FLYWCH2: variants seen among roughly 807,000 people sequenced by gnomAD.
The protein encoded by FLYWCH2 is FLYWCH family member 2.
Under a neutral mutation model 6.0 loss-of-function variants are expected in FLYWCH2, and 2 were observed. The observed-to-expected ratio is 0.33, with a 90% CI of 0.14 to 1.04. FLYWCH2 has a LOEUF of 1.04. Ranked by LOEUF, FLYWCH2 falls within the 50% of genes least tolerant of loss-of-function variation. FLYWCH2 has a pLI of 0.45. For missense variants in FLYWCH2, 192 were observed against 183.4 expected (o/e 1.05, Z -0.27); for synonymous variants, 87 against 79.3 (o/e 1.10, Z -0.52).
intron 1 of FLYWCH2, among the ~76,000 whole-genome samples, chr16:2,884,055 C>T (rs2069669890): frequency 6.6e-6 from 1 of 152,178 alleles, no homozygotes; most frequent in Non-Finnish European, 1.5e-5. Context: ...AGTGTCCCGT[C>T]ATCCTGTCGG....
At chr16:2,884,816 G>C (rs1481664977) in intron 1 of FLYWCH2, among the ~76,000 whole-genome samples, 1 of 151,694 alleles carries the variant, frequency 6.6e-6, no homozygotes, top group Admixed American at 6.6e-5. Flanking sequence ...AGAGGTTGCA[G>C]TGACCCAAGG....
chr16:2,890,066 C>G (rs1311723016), intron 1 of FLYWCH2, among the ~76,000 whole-genome samples: 2 of 148,726 alleles, frequency 1.3e-5, no homozygotes, highest in African/African-American at 5.0e-5. Flanking sequence ...AAGCAATATA[C>G]CAAGACCCTG....
intron 1 of FLYWCH2, among the ~76,000 whole-genome samples, chr16:2,888,640 A>G (rs1421236707): frequency 6.6e-6 from 1 of 152,016 alleles, no homozygotes; most frequent in Admixed American, 6.6e-5. Flanking sequence ...CAATGTCATG[A>G]TCTTCTTGGG....
At chr16:2,891,041 T>C (rs567887688) in intron 1 of FLYWCH2, among the ~76,000 whole-genome samples, 1 of 152,346 alleles carries the variant, frequency 6.6e-6, no homozygotes, top group African/African-American at 2.4e-5. Flanking sequence ...CTTGGACTCA[T>C]GGATATTTAT....
At chr16:2,885,717 C>A (rs2069691289) in intron 1 of FLYWCH2, among the ~76,000 whole-genome samples, 1 of 152,172 alleles carries the variant, frequency 6.6e-6, no homozygotes, top group South Asian at 2.1e-4. Context: ...TTCATTCATC[C>A]ATTGATGGAT....
intron 1 of FLYWCH2, among the ~76,000 whole-genome samples, chr16:2,893,017 T>C (rs577503747): frequency 2.0e-4 from 21 of 106,846 alleles, no homozygotes; most frequent in African/African-American, 6.7e-4. Flanking sequence ...TATTTATATA[T>C]ATACACACAC....
chr16:2,886,806 C>A (rs141088001), intron 1 of FLYWCH2, among the ~76,000 whole-genome samples: 1 of 152,102 alleles, frequency 6.6e-6, no homozygotes, highest in Non-Finnish European at 1.5e-5. Context: ...CAGGTGTGAG[C>A]CACCATGCCC....
At chr16:2,890,420 T>G (rs2069743800) in intron 1 of FLYWCH2, among the ~76,000 whole-genome samples, 1 of 151,390 alleles carries the variant, frequency 6.6e-6, no homozygotes, top group Non-Finnish European at 1.5e-5. Flanking sequence ...TGACTAATTT[T>G]TTTTTTTTTT....
At chr16:2,895,145 G>T (rs1351740995) in intron 1 of FLYWCH2, 75 bp from the exon 2 acceptor site, 1 of 152,174 alleles carries the variant, frequency 6.6e-6, no homozygotes, top group Non-Finnish European at 1.5e-5. Flanking sequence ...CAGTCCTGAG[G>T]TGCTGCAGCA....
At chr16:2,884,029 G>T (rs2069669594) in intron 1 of FLYWCH2, among the ~76,000 whole-genome samples, 1 of 152,122 alleles carries the variant, frequency 6.6e-6, no homozygotes, top group African/African-American at 2.4e-5. Flanking sequence ...CTGTGAGGAC[G>T]TGTACTGCAC....
chr16:2,892,941 A>G (rs1422746624), intron 1 of FLYWCH2, among the ~76,000 whole-genome samples: 1 of 142,928 alleles, frequency 7.0e-6, no homozygotes, highest in Non-Finnish European at 1.5e-5. Context: ...TATACCATAT[A>G]TGTTGTATAT....
Position 2,883,662 on chromosome 16 carries a change from C to T in FLYWCH2, c.-200+296C>T, listed in dbSNP as rs369780899. Among the ~76,000 whole-genome samples, 980 of 152,362 alleles carry T rather than the reference C, an allele frequency of 6.4e-3. 8 individuals carry two copies. The highest frequency in any genetic ancestry group is 0.023 in the African/African-American group (947 of 41,590). ...CGCCCAGCGCTGCCTTCCCGGCACC[C>T]CCCAACCCCCGCCGGCCTCGTCCCA... On this transcript the variant is annotated intron_variant, in intron 1 of 3. Coordinates refer to ENST00000396958, the MANE Select transcript of FLYWCH2 (RefSeq NM_138439.3).
At chr16:2,891,368 G>C (rs1414022592) in intron 1 of FLYWCH2, among the ~76,000 whole-genome samples, 1 of 152,176 alleles carries the variant, frequency 6.6e-6, no homozygotes, top group Non-Finnish European at 1.5e-5. Flanking sequence ...AGGAGGACCA[G>C]AGTGGCAGGG....
Position 2,899,362 on chromosome 16 carries a change from A to C in FLYWCH2, c.*213A>C, listed in dbSNP as rs956107502. On this transcript the variant is annotated 3_prime_UTR_variant, in exon 4 of 4. Transcript: ENST00000396958. ...TAAAAGAAGCTGTTCGCTAGACCCC[A>C]TAATGGGCAGGTTTTAAACATCCCA... is the stretch of plus-strand genomic sequence containing the variant. 8 of 447,592 alleles carry C rather than the reference A, an allele frequency of 1.8e-5. No individual in the cohort carries two copies. The highest frequency in any genetic ancestry group is 3.1e-5 in the Non-Finnish European group (8 of 255,104). 27.7% of individuals were successfully genotyped at this position (447,592 alleles called of 1,614,324 possible).
chr16:2,893,263 G>C (rs954349435), intron 1 of FLYWCH2, among the ~76,000 whole-genome samples: 2 of 152,092 alleles, frequency 1.3e-5, no homozygotes, highest in Non-Finnish European at 2.9e-5. Flanking sequence ...TGGAGGAGGG[G>C]CTGAAAGTCC....
intron 1 of FLYWCH2, among the ~76,000 whole-genome samples, chr16:2,893,058 G>C (rs137895199): frequency 2.0e-5 from 3 of 150,858 alleles, no homozygotes; most frequent in Non-Finnish European, 4.4e-5. Context: ...GCACGTATGG[G>C]AGGGGCTCAC....
intron 1 of FLYWCH2, among the ~76,000 whole-genome samples, chr16:2,886,928 T>G (rs2069705279): frequency 6.6e-6 from 1 of 152,092 alleles, no homozygotes; most frequent in Non-Finnish European, 1.5e-5. Context: ...TTGCAAACAT[T>G]TTTTCCCATT....
At chr16:2,893,388 C>G (rs2069781240) in intron 1 of FLYWCH2, among the ~76,000 whole-genome samples, 1 of 152,062 alleles carries the variant, frequency 6.6e-6, no homozygotes, top group African/African-American at 2.4e-5. Flanking sequence ...TTTGGAGATT[C>G]CAGGAATTTT....
intron 1 of FLYWCH2, among the ~76,000 whole-genome samples, chr16:2,886,941 A>C (rs1287266066): frequency 2.0e-5 from 3 of 152,018 alleles, no homozygotes; most frequent in African/African-American, 7.2e-5. Flanking sequence ...TTCCCATTCT[A>C]TGGGTTATCT....
Sources: gnomAD v4.1 joint callset for allele counts (sites outside exome capture counted in the v4.1 genomes callset) on GRCh38, gnomAD v4.1.1 for gene constraint, MANE v1.5 for transcripts, NCBI Gene and HGNC (gene_info 2026-07-23, HGNC 2026-07-21) for gene names.